Variants in HMGCL observed in about 807,000 individuals in gnomAD.
HMGCL encodes the protein hydroxymethylglutaryl-CoA lyase, mitochondrial.
HMGCL carries 26 observed loss-of-function variants against 37.3 expected under a neutral mutation model. The observed-to-expected ratio is 0.70, with a 90% confidence interval of 0.51 to 0.97. The LOEUF is 0.97. Among genes scored for constraint, HMGCL ranks in the 50% least tolerant of loss-of-function variants. The pLI is 0.00. For synonymous variants in HMGCL, 151 were observed against 148.0 expected (o/e 1.02, Z -0.15); for missense variants, 379 against 398.1 (o/e 0.95, Z 0.41).
In HMGCL at chr1:23,806,470, C is replaced by G. The variant is rs1354895406; in HGVS notation, c.750+1665G>C. ...CCCTGAACACAGCAAGCACACTCCT[C>G]CCTCAGGGCTCTGCGCCTGCTTTCC... On this transcript the variant is annotated intron_variant, in intron 7 of 8. Transcript: ENST00000374490. The surrounding 1 kb of genome is among the most constrained non-coding windows in gnomAD (Gnocchi z 4.0). Among the ~76,000 whole-genome samples the G allele has an allele frequency of 6.6e-6, 1 of 152,186 alleles. No homozygotes were observed. Among genetic ancestry groups the G allele is most frequent in the Non-Finnish European group, 1.5e-5 (1 of 68,024 alleles).
intron 7 of HMGCL, among the ~76,000 whole-genome samples, chr1:23,807,742 C>T (rs1257667032): frequency 6.6e-6 from 1 of 152,210 alleles, no homozygotes; most frequent in Non-Finnish European, 1.5e-5. Context: ...AACCCCACAT[C>T]AGTCCTGAGG....
intron 1 of HMGCL, among the ~76,000 whole-genome samples, chr1:23,824,238 G>A (rs1638775940): frequency 6.6e-6 from 1 of 152,154 alleles, no homozygotes; most frequent in African/African-American, 2.4e-5. Flanking sequence ...CAACTCCGTA[G>A]GTGAAGAAAC....
intron 6 of HMGCL, chr1:23,809,630 T>C (rs1232038908): frequency 6.6e-6 from 1 of 152,046 alleles, no homozygotes; most frequent in East Asian, 1.9e-4. Flanking sequence ...TGGGTCCATA[T>C]TGGAATAGGT....
chr1:23,822,868 G>C (rs1638746260), intron 1 of HMGCL, among the ~76,000 whole-genome samples: 1 of 152,136 alleles, frequency 6.6e-6, no homozygotes, highest in Admixed American at 6.6e-5. Flanking sequence ...GTTGAGTGTT[G>C]CTGAAATAAT....
intron 8 of HMGCL, among the ~76,000 whole-genome samples, chr1:23,803,294 T>G (rs1638327681): frequency 6.6e-6 from 1 of 150,654 alleles, no homozygotes; most frequent in Non-Finnish European, 1.5e-5. Context: ...CTCTGACTCC[T>G]GGGTTCAAGC....
Position 23,814,287 on chromosome 1 carries a change from A to C in HMGCL, c.400T>G (p.Phe134Val). ...VVIFGAASELFTKKNINCSIE... is the reference protein window; with the variant it reads ...VVIFGAASELVTKKNINCSIE... ...GAACAATTGATGTTCTTCTTGGTGA[A>C]GAGCTCTGAGGCAGCTCCAAAGATG... Residue 134 changes from phenylalanine to valine, a missense_variant, in exon 5 of 9, where the codon TTC (phenylalanine) becomes GTC (valine). By Grantham distance (50) the Phe-to-Val change is conservative (BLOSUM62 -1). Transcript: ENST00000374490. The C allele has an allele frequency of 6.2e-7, 1 of 1,613,932 alleles. No individual in the cohort carries two copies. Among genetic ancestry groups the C allele is most frequent in the Non-Finnish European group, 8.5e-7 (1 of 1,179,978 alleles).
intron 8 of HMGCL, among the ~76,000 whole-genome samples, chr1:23,803,284 C>T (rs1167785248): frequency 6.6e-6 from 1 of 152,142 alleles, no homozygotes; most frequent in East Asian, 1.9e-4. Context: ...TCACTGCAAC[C>T]TCTGACTCCT....
chr1:23,809,236 A>G (rs866129623), intron 6 of HMGCL: 1 of 78,660 alleles, frequency 1.3e-5, no homozygotes, highest in African/African-American at 5.3e-5. Flanking sequence ...ATATATATAT[A>G]TATTTTTTTT....
intron 8 of HMGCL, 104 bp downstream of exon 8, chr1:23,804,296 C>T: frequency 1.4e-6 from 2 of 1,427,466 alleles, no homozygotes; most frequent in Non-Finnish European, 2.0e-6. Flanking sequence ...CTCTTTACTC[C>T]TCAGCACCTT....
At chr1:23,822,920 A>C (rs917351095) in intron 1 of HMGCL, among the ~76,000 whole-genome samples, 2 of 152,198 alleles carry the variant, frequency 1.3e-5, no homozygotes, top group Non-Finnish European at 2.9e-5. Flanking sequence ...TCACGCCTGT[A>C]ATCCCAGCAC....
intron 2 of HMGCL, among the ~76,000 whole-genome samples, chr1:23,819,176 T>C (rs1638668396): frequency 6.6e-6 from 1 of 152,004 alleles, no homozygotes. Context: ...ACTTTCTAGA[T>C]CTGTGCAGCC....
intron 4 of HMGCL, among the ~76,000 whole-genome samples, chr1:23,815,659 C>T (rs992796487): frequency 6.6e-6 from 1 of 151,840 alleles, no homozygotes; most frequent in Non-Finnish European, 1.5e-5. Context: ...CCAAGCCTGG[C>T]TAATTTTTTG....
intron 2 of HMGCL, among the ~76,000 whole-genome samples, chr1:23,818,637 C>T (rs1404629935): frequency 4.6e-5 from 7 of 151,934 alleles, no homozygotes; most frequent in African/African-American, 1.5e-4. Flanking sequence ...CTGCGACCTC[C>T]GCCTTCCGGG....
At chr1:23,813,900 C>T (rs1638567895) in intron 5 of HMGCL, 1 of 456,216 alleles carries the variant, frequency 2.2e-6, no homozygotes, top group Non-Finnish European at 4.1e-6. Flanking sequence ...TCACTGCAGC[C>T]TCAAACTCCT....
intron 5 of HMGCL, among the ~76,000 whole-genome samples, chr1:23,813,119 ACCTCAGGT>A: frequency 6.7e-6 from 1 of 149,730 alleles, no homozygotes; most frequent in South Asian, 2.1e-4. Flanking sequence ...CAAACTCCTT[ACCTCAGGT>A]GATCTGCCCG....
At chr1:23,805,594 G>C (rs1186309072) in intron 7 of HMGCL, among the ~76,000 whole-genome samples, 3 of 152,164 alleles carry the variant, frequency 2.0e-5, no homozygotes, top group African/African-American at 7.2e-5. Flanking sequence ...TCTCCATGTG[G>C]CTTCCAGGGC....
Position 23,806,851 on chromosome 1 carries a change from C to T in HMGCL, c.750+1284G>A, listed in dbSNP as rs139169086. 329 of 434,068 alleles carry T rather than the reference C, an allele frequency of 7.6e-4. 2 individuals carry two copies. Among genetic ancestry groups the T allele is most frequent in the African/African-American group, 6.0e-3 (297 of 49,644 alleles). The allele number at this position is 434,068 out of a possible 1,614,324, so 26.9% of individuals were successfully genotyped here. A position where few individuals can be genotyped will look rare whatever the true frequency, so the allele number is the denominator to read the frequency against. ...ATGGTCTTACAATGTGCTATTTACA[C>T]GCCTGTAATCTTCCATCTGTCTTCC... On this transcript the variant is annotated intron_variant, in intron 7 of 8. Transcript: ENST00000374490. The surrounding 1 kb of genome is among the most constrained non-coding windows in gnomAD (Gnocchi z 4.0).
rs1180373786 is a variant in HMGCL, at chr1:23,802,418, C to T, written c.*45G>A. On this transcript the variant is annotated 3_prime_UTR_variant, in exon 9 of 9. Coordinates refer to ENST00000374490, the MANE Select transcript of HMGCL (RefSeq NM_000191.3). ...CCCATCCATGAATCATCTGTGTGTG[C>T]CCCTATTTCCACATCATCCCCAGGG... The T allele has an allele frequency of 1.1e-5, 12 of 1,112,602 alleles. No homozygotes were observed. Among genetic ancestry groups the T allele is most frequent in the Non-Finnish European group, 1.7e-5 (12 of 722,062 alleles). 68.9% of individuals were successfully genotyped at this position (1,112,602 alleles called of 1,614,324 possible).
Position 23,802,086 on chromosome 1 carries a change from C to CA in HMGCL, c.*376dup. ...GAGAGCAAGGGCCCCACGGCCATGG[C>CA]AGGGTGGAGCCGTGTAGAGGGTGGC... is the stretch of plus-strand genomic sequence containing the variant. On this transcript the variant is annotated 3_prime_UTR_variant, in exon 9 of 9. Coordinates refer to ENST00000374490, the MANE Select transcript of HMGCL (RefSeq NM_000191.3). The CA allele has an allele frequency of 2.0e-6, 1 of 505,722 alleles. No homozygotes were observed. Among genetic ancestry groups the CA allele is most frequent in the Admixed American group, 3.5e-5 (1 of 28,540 alleles). 31.3% of individuals were successfully genotyped at this position (505,722 alleles called of 1,614,324 possible). A position where few individuals can be genotyped will look rare whatever the true frequency, so the allele number is the denominator to read the frequency against.
Sources: gnomAD v4.1 joint callset for allele counts (sites outside exome capture counted in the v4.1 genomes callset) on GRCh38, gnomAD v4.1.1 for gene constraint, Gnocchi (gnomAD v3.1) non-coding constraint, MANE v1.5 for transcripts, NCBI Gene and HGNC (gene_info 2026-07-23, HGNC 2026-07-21) for gene names.